The following PTPRN2 variants were observed in gnomAD, a reference collection of about 807,000 sequenced individuals.
The protein encoded by PTPRN2 is receptor-type tyrosine-protein phosphatase N2.
In PTPRN2, 74 loss-of-function variants were observed where a neutral mutation model predicts 118.8. That is an observed-to-expected ratio of 0.62 (90% confidence interval 0.52 to 0.76). The LOEUF (loss-of-function observed/expected upper bound fraction) is 0.76, where lower values mean the gene tolerates loss of function less well. Ranked by LOEUF, PTPRN2 falls within the 30% of genes least tolerant of loss-of-function variation. The pLI, the probability that PTPRN2 is intolerant of heterozygous loss-of-function variation, is 0.00. For missense variants in PTPRN2, 1,481 were observed against 1,394.4 expected (o/e 1.06, Z -0.99); for synonymous variants, 641 against 608.0 (o/e 1.05, Z -0.80).
chr7:157,646,060 C>T (rs1343134693), intron 14 of PTPRN2, among the ~76,000 whole-genome samples: 1 of 152,206 alleles, frequency 6.6e-6, no homozygotes, highest in Non-Finnish European at 1.5e-5. Flanking sequence ...ACCCCAAAAC[C>T]CCAAAGTAGC....
At chr7:158,266,415 T>C (rs1428016844) in intron 3 of PTPRN2, among the ~76,000 whole-genome samples, 3 of 141,576 alleles carry the variant, frequency 2.1e-5, no homozygotes, top group African/African-American at 7.9e-5. Flanking sequence ...CTGCGGGGTA[T>C]TGTCTGGCAG....
intron 10 of PTPRN2, among the ~76,000 whole-genome samples, chr7:158,091,844 T>G (rs56724773): frequency 6.3e-5 from 1 of 15,774 alleles, no homozygotes; most frequent in Admixed American, 9.9e-4. Context: ...GGGTGAGGGA[T>G]AGGTGATGGA....
chr7:158,345,454 G>A (rs911000128), intron 2 of PTPRN2, among the ~76,000 whole-genome samples: 1 of 152,154 alleles, frequency 6.6e-6, no homozygotes, highest in African/African-American at 2.4e-5. Flanking sequence ...TTTTGAGCAG[G>A]GTGGAGCAAG....
intron 3 of PTPRN2, among the ~76,000 whole-genome samples, chr7:158,224,294 C>A (rs372791467): frequency 1.1e-4 from 17 of 152,092 alleles, no homozygotes; most frequent in African/African-American, 4.1e-4. Context: ...GTAGCTAAAA[C>A]AATTTGGGAA....
At chr7:157,625,260 A>T (rs961899438) in intron 14 of PTPRN2, among the ~76,000 whole-genome samples, 1 of 152,262 alleles carries the variant, frequency 6.6e-6, no homozygotes, top group African/African-American at 2.4e-5. Flanking sequence ...ATGTCATTAT[A>T]CGAAAAATAT....
At chr7:157,885,945 G>A (rs979788088) in intron 12 of PTPRN2, among the ~76,000 whole-genome samples, 7 of 152,326 alleles carry the variant, frequency 4.6e-5, no homozygotes, top group African/African-American at 1.7e-4. Context: ...GGGAGGGGGC[G>A]AGCATCACAA....
chr7:158,475,461 G>T (rs1009511246), intron 2 of PTPRN2, among the ~76,000 whole-genome samples: 1 of 152,040 alleles, frequency 6.6e-6, no homozygotes, highest in Non-Finnish European at 1.5e-5. Context: ...TGCACGCTTC[G>T]CCCCTGCTTA....
rs1803005363 is a variant in PTPRN2 at position 157,619,254 on chromosome 7, AT to A, written c.2344+2107del. ...GGGGAGGGCGTGCTGTCAGATGAAT[AT>A]TTACCATGAAACACCTCACAATCTA... On this transcript the variant is annotated intron_variant, in intron 15 of 22. Coordinates refer to ENST00000389418, the MANE Select transcript of PTPRN2 (RefSeq NM_002847.5). This position sits in a 1 kb window ranked among gnomAD's most constrained non-coding sequence, Gnocchi z 5.3. Among the ~76,000 whole-genome samples the A allele has an allele frequency of 6.6e-6, 1 of 152,096 alleles. No individual in the cohort carries two copies. The highest frequency in any genetic ancestry group is 6.5e-5 in the Admixed American group (1 of 15,278).
rs556527353 is a variant in PTPRN2 at position 158,467,479 on chromosome 7, T to C, written c.163+22256A>G. Reference sequence around the variant, plus strand: ...TTGATATAGTCCCACTCATTTATTTTGCTTTTGTTGCCTGTGTTTTTGGGT... The same window carrying C: ...TTGATATAGTCCCACTCATTTATTTCGCTTTTGTTGCCTGTGTTTTTGGGT... On this transcript the variant is annotated intron_variant, in intron 2 of 22. Transcript: ENST00000389418. Among the ~76,000 whole-genome samples the C allele has an allele frequency of 5.3e-4, 80 of 152,366 alleles. 1 individual carries two copies. The South Asian group carries it at 0.016, about 31-fold the overall frequency.
intron 2 of PTPRN2, among the ~76,000 whole-genome samples, chr7:158,480,255 T>A (rs920417399): frequency 6.6e-6 from 1 of 152,206 alleles, no homozygotes; most frequent in Non-Finnish European, 1.5e-5. Flanking sequence ...TCCACAGTGT[T>A]GGATCCCTGA....
intron 3 of PTPRN2, among the ~76,000 whole-genome samples, chr7:158,208,480 A>AATCCCGTTTCCT (rs1827334596): frequency 6.6e-6 from 1 of 152,242 alleles, no homozygotes; most frequent in Non-Finnish European, 1.5e-5. Flanking sequence ...GAAACTTTAC[A>AATCCCGTTTCCT]GGCCAGGAAA....
chr7:157,572,997 C>A (rs1337649877), intron 19 of PTPRN2, among the ~76,000 whole-genome samples: 1 of 152,218 alleles, frequency 6.6e-6, no homozygotes, highest in Non-Finnish European at 1.5e-5. Flanking sequence ...CACTTGTATG[C>A]CAGAGTGCCT....
chr7:158,036,699 T>A (rs1808112713), intron 11 of PTPRN2, among the ~76,000 whole-genome samples: 1 of 152,178 alleles, frequency 6.6e-6, no homozygotes, highest in Admixed American at 6.5e-5. Context: ...AAGAATAAGA[T>A]TTGGTCCATT....
At chr7:157,930,306 C>T (rs1016561664) in intron 11 of PTPRN2, among the ~76,000 whole-genome samples, 6 of 152,208 alleles carry the variant, frequency 3.9e-5, no homozygotes, top group African/African-American at 1.4e-4. Context: ...AAGTCTGGTT[C>T]ACTCTTATTT....
At chr7:158,295,066 CCCTG>C (rs1232900821) in intron 3 of PTPRN2, among the ~76,000 whole-genome samples, 1 of 146,894 alleles carries the variant, frequency 6.8e-6, no homozygotes, top group African/African-American at 2.5e-5. Flanking sequence ...CGCCCGCTGA[CCCTG>C]CCTGTCTGCC....
At chr7:158,498,100 A>G (rs1822088843) in intron 1 of PTPRN2, among the ~76,000 whole-genome samples, 1 of 152,236 alleles carries the variant, frequency 6.6e-6, no homozygotes, top group Non-Finnish European at 1.5e-5. Flanking sequence ...GGTCCTCCTC[A>G]CGTCTTTGGC....
intron 12 of PTPRN2, among the ~76,000 whole-genome samples, chr7:157,773,396 C>T (rs73521440): frequency 0.011 from 1,745 of 152,322 alleles, 27 homozygotes; most frequent in African/African-American, 0.039. Context: ...TCTTACAATG[C>T]GTGGGACTCT....
chr7:158,484,363 T>C (rs1820851766), intron 2 of PTPRN2, among the ~76,000 whole-genome samples: 1 of 152,102 alleles, frequency 6.6e-6, no homozygotes, highest in African/African-American at 2.4e-5. Flanking sequence ...CTTATTTATT[T>C]ACTTATTTAT....
intron 2 of PTPRN2, among the ~76,000 whole-genome samples, chr7:158,322,578 C>T (rs796549984): frequency 1.0e-4 from 6 of 59,264 alleles, no homozygotes; most frequent in East Asian, 3.8e-4. Flanking sequence ...CACCTGGCCC[C>T]AGTGGGCAAC....
Sources: gnomAD v4.1 joint callset for allele counts (sites outside exome capture counted in the v4.1 genomes callset) on GRCh38, gnomAD v4.1.1 for gene constraint, Gnocchi (gnomAD v3.1) non-coding constraint, MANE v1.5 for transcripts, NCBI Gene and HGNC (gene_info 2026-07-23, HGNC 2026-07-21) for gene names.